RGS22: variants seen among roughly 807,000 people sequenced by gnomAD.
The protein encoded by RGS22 is regulator of G-protein signaling 22.
A neutral mutation model predicts 172.9 loss-of-function variants in RGS22; 148 were observed. That is an observed-to-expected ratio of 0.86 (90% confidence interval 0.75 to 0.98). The LOEUF (loss-of-function observed/expected upper bound fraction) is 0.98. Ranked by LOEUF, RGS22 falls within the 50% of genes least tolerant of loss-of-function variation. RGS22 has a pLI of 0.00. For synonymous variants in RGS22, 458 were observed against 480.2 expected, an observed-to-expected ratio of 0.95 and a Z score of 0.60; for missense variants, 1,347 against 1,440.8, an observed-to-expected ratio of 0.93 and a Z score of 1.05.
chr8:99,988,163 G>C (rs1264040367), intron 20 of RGS22, among the ~76,000 whole-genome samples: 1 of 151,058 alleles, frequency 6.6e-6, no homozygotes, highest in South Asian at 2.1e-4. Context: ...TTTTAGATGA[G>C]ACATCTTTAT....
At chr8:100,044,963 G>A (rs765712663) in intron 11 of RGS22, among the ~76,000 whole-genome samples, 2 of 152,040 alleles carry the variant, frequency 1.3e-5, no homozygotes, top group Non-Finnish European at 2.9e-5. Flanking sequence ...GTAGAGAAAC[G>A]GAAACCCAAC....
chr8:99,993,544 A>T (rs1407127902), intron 20 of RGS22, among the ~76,000 whole-genome samples: 2 of 152,150 alleles, frequency 1.3e-5, no homozygotes, highest in East Asian at 3.8e-4. Flanking sequence ...GGACACATAC[A>T]CTCTCCCAAG....
intron 14 of RGS22, among the ~76,000 whole-genome samples, chr8:100,026,864 T>TA (rs111869126): frequency 0.025 from 3,880 of 152,236 alleles, 139 homozygotes; most frequent in East Asian, 0.11. Context: ...GCCGATGACT[T>TA]AAAAGTAAAA....
intron 1 of RGS22, 134 bp from the exon 2 acceptor site, chr8:100,105,536 C>T: frequency 1.3e-6 from 1 of 757,232 alleles, no homozygotes; most frequent in Non-Finnish European, 2.3e-6. Flanking sequence ...TCTGTTCATT[C>T]TCTGTACATG....
intron 9 of RGS22, among the ~76,000 whole-genome samples, chr8:100,055,289 CAGAA>C (rs1273633754): frequency 2.6e-5 from 4 of 152,190 alleles, no homozygotes; most frequent in South Asian, 4.1e-4. Flanking sequence ...TGGCTCAGAA[CAGAA>C]AGAGAGACTC....
chr8:99,966,429 T>G (rs940603366), intron 23 of RGS22, among the ~76,000 whole-genome samples: 2 of 150,994 alleles, frequency 1.3e-5, no homozygotes, highest in East Asian at 3.9e-4. Context: ...TCTATACAAA[T>G]AAAAAATTAA....
chr8:100,035,543 C>G (rs1194495396), intron 14 of RGS22, among the ~76,000 whole-genome samples: 1 of 152,180 alleles, frequency 6.6e-6, no homozygotes, highest in African/African-American at 2.4e-5. Flanking sequence ...TTGTGGGGGA[C>G]AGTGTGGCAA....
At chr8:100,033,394 A>G (rs1316425461) in intron 14 of RGS22, among the ~76,000 whole-genome samples, 2 of 152,202 alleles carry the variant, frequency 1.3e-5, no homozygotes, top group East Asian at 1.9e-4. Flanking sequence ...AAACGCCTCT[A>G]TGCAAATAAA....
chr8:100,073,715 A>G (rs1410876182), intron 4 of RGS22, among the ~76,000 whole-genome samples: 1 of 152,228 alleles, frequency 6.6e-6, no homozygotes, highest in Non-Finnish European at 1.5e-5. Flanking sequence ...ATCCACATAA[A>G]CCCTTAAAGA....
intron 21 of RGS22, among the ~76,000 whole-genome samples, chr8:99,985,999 T>G (rs1283954471): frequency 6.6e-6 from 1 of 152,034 alleles, no homozygotes; most frequent in East Asian, 1.9e-4. Context: ...ATGTGAAAGA[T>G]TGTGAAAAAA....
chr8:100,071,320 AG>A (rs1563698671), intron 6 of RGS22, 48 bp downstream of exon 6: 1 of 1,445,092 alleles, frequency 6.9e-7, no homozygotes, highest in Non-Finnish European at 9.4e-7. Flanking sequence ...AAATAAAATC[AG>A]AAGTGTTAGT....
At chr8:100,079,040 G>C (rs1481719796) in intron 4 of RGS22, among the ~76,000 whole-genome samples, 1 of 152,172 alleles carries the variant, frequency 6.6e-6, no homozygotes, top group Non-Finnish European at 1.5e-5. Flanking sequence ...AGATCATCCA[G>C]ATCTTTTTGA....
intron 14 of RGS22, 38 bp from the exon 15 acceptor site, chr8:100,008,607 A>G (rs1377706778): frequency 6.6e-7 from 1 of 1,518,872 alleles, no homozygotes; most frequent in South Asian, 1.2e-5. Context: ...AGATGTTAAG[A>G]GAAGCCACAA....
intron 3 of RGS22, among the ~76,000 whole-genome samples, chr8:100,082,693 A>G (rs1264807903): frequency 6.6e-6 from 1 of 152,252 alleles, no homozygotes; most frequent in Non-Finnish European, 1.5e-5. Context: ...CAAAGACAGA[A>G]CATTTCCTCT....
chr8:100,065,731 T>A (rs3133709), intron 7 of RGS22, among the ~76,000 whole-genome samples: 1,905 of 152,284 alleles, frequency 0.013, 54 homozygotes, highest in East Asian at 0.1. Flanking sequence ...TCAATTTCCA[T>A]CAATAATTTT....
rs535524099 is a variant in RGS22 at position 100,080,567 on chromosome 8, G to GT, written c.118-213dup. On this transcript the variant is annotated intron_variant, in intron 3 of 27. Coordinates refer to ENST00000360863, the MANE Select transcript of RGS22 (RefSeq NM_015668.5). ...CCTTGCCAATGCACTTATGCCACGA[G>GT]TAAGTGTCAGGGTATGCTATGGCAG... The GT allele has an allele frequency of 1.0e-3, 522 of 518,296 alleles. 1 individual carries two copies. Among genetic ancestry groups the GT allele is most frequent in the Middle Eastern group, 2.1e-3 (4 of 1,910 alleles). The allele number at this position is 518,296 out of a possible 1,614,324, so 32.1% of individuals were successfully genotyped here.
At chr8:99,968,053 T>C (rs1465136270) in intron 23 of RGS22, among the ~76,000 whole-genome samples, 1 of 152,192 alleles carries the variant, frequency 6.6e-6, no homozygotes, top group Non-Finnish European at 1.5e-5. Context: ...GCAATCTTTT[T>C]GTTCTGCAGC....
intron 3 of RGS22, among the ~76,000 whole-genome samples, chr8:100,083,103 G>A (rs1811885115): frequency 6.6e-6 from 1 of 152,154 alleles, no homozygotes; most frequent in Admixed American, 6.5e-5. Context: ...AAAGTAAATA[G>A]TTACTTCTAA....
intron 9 of RGS22, 21 bp from the exon 10 acceptor site, chr8:100,052,997 T>A (rs149538828): frequency 6.2e-6 from 10 of 1,607,084 alleles, no homozygotes; most frequent in Non-Finnish European, 8.5e-6. Flanking sequence ...GAAAAATAAA[T>A]GTAAGATTGA....
Sources: gnomAD v4.1 joint callset for allele counts (sites outside exome capture counted in the v4.1 genomes callset) on GRCh38, gnomAD v4.1.1 for gene constraint, MANE v1.5 for transcripts, NCBI Gene and HGNC (gene_info 2026-07-23, HGNC 2026-07-21) for gene names.